The following BANK1 variants were observed in gnomAD, a reference collection of about 807,000 sequenced individuals.
BANK1 encodes B-cell scaffold protein with ankyrin repeats.
In BANK1, 95 loss-of-function variants were observed where a neutral mutation model predicts 94.5. The observed-to-expected ratio is 1.00, with a 90% CI of 0.85 to 1.19. The LOEUF (loss-of-function observed/expected upper bound fraction) is 1.19. Ranked by LOEUF, BANK1 falls within the 50% of genes most tolerant of loss-of-function variation. BANK1 has a pLI of 0.00. For synonymous variants in BANK1, 334 were observed against 308.4 expected (o/e 1.08, Z -0.87); for missense variants, 987 against 932.2 (o/e 1.06, Z -0.77).
intron 7 of BANK1, among the ~76,000 whole-genome samples, chr4:101,922,662 A>G (rs1723036214): frequency 6.6e-6 from 1 of 151,852 alleles, no homozygotes; most frequent in South Asian, 2.1e-4. Context: ...GACTTCATAG[A>G]CAGCCCTACT....
At chr4:101,893,600 TCAACATATTACCAATAATTTTTTGC>T (rs1177321922) in intron 5 of BANK1, among the ~76,000 whole-genome samples, 2 of 152,154 alleles carry the variant, frequency 1.3e-5, no homozygotes, top group Admixed American at 1.3e-4. Context: ...GTATAAAGTG[TCAACATATTACCAATAATTTTTTGC>T]CCCACTGCTC....
intron 2 of BANK1, among the ~76,000 whole-genome samples, chr4:101,833,871 C>T (rs909420436): frequency 1.3e-5 from 2 of 152,134 alleles, no homozygotes; most frequent in Admixed American, 1.3e-4. Flanking sequence ...CTCTTTTTCT[C>T]TCTCTCTTTT....
chr4:101,977,553 A>G (rs542772311), intron 7 of BANK1, among the ~76,000 whole-genome samples: 1 of 152,270 alleles, frequency 6.6e-6, no homozygotes, highest in East Asian at 1.9e-4. Context: ...CTTCCACTTT[A>G]TTGGCTATTA....
At chr4:101,810,698 G>T (rs1365718204) in intron 1 of BANK1, among the ~76,000 whole-genome samples, 1 of 152,058 alleles carries the variant, frequency 6.6e-6, no homozygotes, top group African/African-American at 2.4e-5. Context: ...AATACTGTTG[G>T]CTACTGCTGC....
chr4:102,004,538 T>C (rs1236307193), intron 7 of BANK1, among the ~76,000 whole-genome samples: 1 of 152,188 alleles, frequency 6.6e-6, no homozygotes, highest in Admixed American at 6.6e-5. Flanking sequence ...AATTTTTGGA[T>C]GGCAGCTGTG....
chr4:101,827,159 A>G lies in BANK1; in HGVS notation c.71-2649A>G, dbSNP rs149104042. Among the ~76,000 whole-genome samples, 371 of 152,022 alleles carry G rather than the reference A, an allele frequency of 2.4e-3. 1 individual carries two copies. The highest frequency in any genetic ancestry group is 8.6e-3 in the African/African-American group (359 of 41,574). On this transcript the variant is annotated intron_variant, in intron 1 of 16. Transcript: ENST00000322953. ...GAAGAGTGAAGAAAAAGAAAGCCATATATCTCTCAAAGTCCTCTCTCTCAC... is the reference window on the plus strand; with the variant it reads ...GAAGAGTGAAGAAAAAGAAAGCCATGTATCTCTCAAAGTCCTCTCTCTCAC...
chr4:102,041,413 G>C (rs1171804102), intron 10 of BANK1, among the ~76,000 whole-genome samples: 1 of 151,948 alleles, frequency 6.6e-6, no homozygotes, highest in East Asian at 1.9e-4. Flanking sequence ...CTTTTCCCAA[G>C]GTTGCCTCAT....
chr4:101,872,945 G>A (rs1176105197), intron 5 of BANK1, among the ~76,000 whole-genome samples: 1 of 150,338 alleles, frequency 6.7e-6, no homozygotes, highest in Admixed American at 6.7e-5. Flanking sequence ...CTGAAATCAC[G>A]CCACAGCACT....
intron 1 of BANK1, among the ~76,000 whole-genome samples, chr4:101,816,637 C>T (rs769136601): frequency 9.3e-5 from 14 of 150,516 alleles, no homozygotes; most frequent in Non-Finnish European, 1.3e-4. Context: ...AGTGGTAAAG[C>T]GGTAAGATTT....
chr4:101,851,140 G>A lies in BANK1; in HGVS notation c.470-3895G>A, dbSNP rs573599892. On this transcript the variant is annotated intron_variant, in intron 2 of 16. Coordinates refer to ENST00000322953, the MANE Select transcript of BANK1 (RefSeq NM_017935.5). ...TTCTTCAAACAATTAGCCAAGTTGT[G>A]AGTGCAAAGGAAAAGTTCTTGAAGA... is the stretch of plus-strand genomic sequence containing the variant. Among the ~76,000 whole-genome samples, 8 of 152,242 alleles carry A rather than the reference G, an allele frequency of 5.3e-5. No homozygotes were observed. In the East Asian group the frequency reaches 1.2e-3, roughly 22 times the overall value.
chr4:101,958,464 CTTTTTTT>C (rs35066662), intron 7 of BANK1, among the ~76,000 whole-genome samples: 1 of 110,732 alleles, frequency 9.0e-6, no homozygotes, highest in Non-Finnish European at 1.8e-5. Flanking sequence ...GCCCCCCATG[CTTTTTTT>C]TTTTTTTTTT....
At chr4:101,898,329 C>T (rs994789550) in intron 6 of BANK1, among the ~76,000 whole-genome samples, 3 of 151,918 alleles carry the variant, frequency 2.0e-5, no homozygotes, top group Admixed American at 1.3e-4. Flanking sequence ...TACCTTTATA[C>T]ATATATTAAT....
intron 7 of BANK1, among the ~76,000 whole-genome samples, chr4:101,944,986 AC>A (rs955044419): frequency 2.3e-4 from 35 of 152,084 alleles, no homozygotes; most frequent in African/African-American, 8.4e-4. Context: ...GGTCCTAGAT[AC>A]TTTCTAAAAA....
At chr4:101,887,081 TG>T (rs1378642540) in intron 5 of BANK1, among the ~76,000 whole-genome samples, 7 of 152,184 alleles carry the variant, frequency 4.6e-5, no homozygotes, top group Non-Finnish European at 1.0e-4. Context: ...CCTTAAAAGA[TG>T]GGTGGAGTCA....
intron 2 of BANK1, 144 bp downstream of exon 2, chr4:101,830,350 T>C (rs1015905500): frequency 1.1e-5 from 7 of 612,890 alleles, no homozygotes; most frequent in Admixed American, 3.7e-5. Flanking sequence ...AACAGTATGT[T>C]GTACTGTCCA....
intron 10 of BANK1, 111 bp downstream of exon 10, chr4:102,030,376 A>G: frequency 1.8e-6 from 2 of 1,142,558 alleles, no homozygotes; most frequent in East Asian, 5.1e-5. Flanking sequence ...CAAAGAGTAA[A>G]CATTTTTTTT....
chr4:102,029,814 C>T, intron 9 of BANK1, 146 bp from the exon 10 acceptor site: 2 of 647,326 alleles, frequency 3.1e-6, no homozygotes, highest in Non-Finnish European at 5.3e-6. Context: ...ATAAATTATT[C>T]TCCTGGAGTC....
chr4:101,815,668 A>G (rs1578332994), intron 1 of BANK1, among the ~76,000 whole-genome samples: 1 of 152,100 alleles, frequency 6.6e-6, no homozygotes, highest in East Asian at 1.9e-4. Context: ...TTTAAAAATT[A>G]ATAGGTTTTA....
chr4:101,903,786 G>C (rs528385210), intron 6 of BANK1, among the ~76,000 whole-genome samples: 2 of 152,146 alleles, frequency 1.3e-5, no homozygotes, highest in Non-Finnish European at 2.9e-5. Flanking sequence ...TGATCCCTAC[G>C]TATGGTTACT....
Sources: gnomAD v4.1 joint callset for allele counts (sites outside exome capture counted in the v4.1 genomes callset) on GRCh38, gnomAD v4.1.1 for gene constraint, MANE v1.5 for transcripts, NCBI Gene and HGNC (gene_info 2026-07-23, HGNC 2026-07-21) for gene names.